Variants in ADK observed in about 807,000 individuals in gnomAD.
ADK encodes adenosine kinase.
ADK carries 24 observed loss-of-function variants against 44.7 expected under a neutral mutation model. The observed-to-expected ratio is 0.54, with a 90% CI of 0.39 to 0.76. ADK has a LOEUF of 0.76. ADK is among the 30% of genes least tolerant of loss of function. ADK has a pLI of 0.00. For missense variants in ADK, 321 were observed against 425.1 expected (o/e 0.76, Z 2.15); for synonymous variants, 128 against 142.6 (o/e 0.90, Z 0.73).
chr10:74,637,031 A>C (rs1159008860), intron 9 of ADK, among the ~76,000 whole-genome samples: 1 of 152,254 alleles, frequency 6.6e-6, no homozygotes, highest in Admixed American at 6.5e-5. Flanking sequence ...AACAAGATTT[A>C]GTGACTTTAT....
chr10:74,500,191 T>C (rs74580874), intron 6 of ADK, among the ~76,000 whole-genome samples: 142 of 152,290 alleles, frequency 9.3e-4, no homozygotes, highest in African/African-American at 3.2e-3. Context: ...ATCCAGATCA[T>C]ATTAGAACTG....
intron 9 of ADK, among the ~76,000 whole-genome samples, chr10:74,627,354 G>A (rs555490494): frequency 1.8e-4 from 27 of 152,060 alleles, no homozygotes; most frequent in African/African-American, 4.3e-4. Context: ...ACAGTGATGC[G>A]CACCTGTAGT....
intron 4 of ADK, chr10:74,372,481 A>T (rs1363197454): frequency 2.4e-5 from 4 of 168,952 alleles, no homozygotes; most frequent in East Asian, 2.1e-4. Flanking sequence ...ATGTCAGTTT[A>T]AAAAAAAAAA....
At chr10:74,614,285 C>T (rs1027067463) in intron 9 of ADK, among the ~76,000 whole-genome samples, 6 of 152,080 alleles carry the variant, frequency 3.9e-5, no homozygotes, top group African/African-American at 1.2e-4. Context: ...GATATAAGCC[C>T]TATTATAGCA....
chr10:74,229,216 A>G (rs543776833), intron 3 of ADK, among the ~76,000 whole-genome samples: 19 of 152,304 alleles, frequency 1.2e-4, no homozygotes, highest in African/African-American at 3.6e-4. Flanking sequence ...ATTATGCAAT[A>G]GGCATGAACC....
chr10:74,188,494 AC>A (rs1165736861), intron 1 of ADK, among the ~76,000 whole-genome samples: 1 of 149,952 alleles, frequency 6.7e-6, no homozygotes, highest in African/African-American at 2.5e-5. Flanking sequence ...GACTACCGGC[AC>A]CCGCCACCAC....
In ADK at chr10:74,259,145, A is replaced by G. The variant is rs146001944; in HGVS notation, c.194+34554A>G. On this transcript the variant is annotated intron_variant, in intron 3 of 10. Coordinates refer to ENST00000539909, the MANE Select transcript of ADK (RefSeq NM_006721.4). ...TTTTTAGTAGAGAAGAGGTTTCGCC[A>G]TGTTGGCCAGGCTGATTTCGAACTC... 5.5e-3 allele frequency among the ~76,000 whole-genome samples: 831 copies of G among 151,770 alleles called. 11 individuals carry two copies. The highest frequency in any genetic ancestry group is 0.019 in the African/African-American group (800 of 41,456).
chr10:74,294,441 C>T (rs1839739649), intron 3 of ADK, among the ~76,000 whole-genome samples: 1 of 152,158 alleles, frequency 6.6e-6, no homozygotes, highest in East Asian at 1.9e-4. Flanking sequence ...CACACGCCAC[C>T]ATGCCCAGAT....
intron 4 of ADK, chr10:74,371,966 C>G: frequency 1.1e-6 from 1 of 921,976 alleles, no homozygotes. Flanking sequence ...ACCTATCTAC[C>G]GTTGCTTTGT....
Position 74,224,569 on chromosome 10 carries a change from G to A in ADK, c.172G>A (p.Ala58Thr). The A allele has an allele frequency of 1.2e-6, 2 of 1,613,676 alleles. No individual in the cohort carries two copies. The highest frequency in any genetic ancestry group is 1.3e-5 in the African/African-American group (1 of 75,008). Residue 58 changes from alanine to threonine, a missense_variant, in exon 3 of 11, where the codon GCT becomes ACT. By Grantham distance (58) the Ala-to-Thr change is moderately conservative. Transcript: ENST00000539909. ...YSLKPNDQIL[A>T]EDKHKELFDE... ...TCTGAAACCAAATGACCAAATCTTGGCTGAAGACAAACACAAGGAACTGTA... is the reference window on the plus strand; with the variant it reads ...TCTGAAACCAAATGACCAAATCTTGACTGAAGACAAACACAAGGAACTGTA...
At chr10:74,536,447 A>C (rs1849451251) in intron 7 of ADK, among the ~76,000 whole-genome samples, 3 of 150,728 alleles carry the variant, frequency 2.0e-5, no homozygotes, top group South Asian at 4.2e-4. Flanking sequence ...ATAATTACTA[A>C]ATGATACAAT....
chr10:74,436,915 G>T (rs1047718842), intron 6 of ADK, among the ~76,000 whole-genome samples: 3 of 152,120 alleles, frequency 2.0e-5, no homozygotes, highest in Non-Finnish European at 4.4e-5. Flanking sequence ...AGGTTGGAAA[G>T]AAGTGAAACT....
At position 74,224,589 on chromosome 10, in the gene ADK, A is replaced by C. The variant is rs779676595; in HGVS notation, c.192A>C (p.Glu64Asp). 1 of 1,613,156 alleles carries C rather than the reference A, an allele frequency of 6.2e-7. No individual in the cohort carries two copies. Among genetic ancestry groups the C allele is most frequent in the Admixed American group, 1.7e-5 (1 of 60,002 alleles). ...DQILAEDKHK[E>D]LFDELVKKFK... ...TCTTGGCTGAAGACAAACACAAGGA[A>C]CTGTAAGTGCATTAAACCATTGGTT... Residue 64 changes from glutamate (E) to aspartate (D), a missense_variant and splice_region_variant, in exon 3 of 11, where the codon GAA (glutamate) becomes GAC (aspartate). By Grantham distance (45) the Glu-to-Asp change is conservative. Transcript: ENST00000539909.
intron 3 of ADK, among the ~76,000 whole-genome samples, chr10:74,279,692 C>T (rs962269201): frequency 2.6e-5 from 4 of 151,444 alleles, no homozygotes; most frequent in African/African-American, 4.9e-5. Context: ...GATGTTTCAT[C>T]TTACCTCGAA....
intron 7 of ADK, among the ~76,000 whole-genome samples, chr10:74,534,161 A>G (rs1390493577): frequency 1.3e-5 from 2 of 152,216 alleles, no homozygotes; most frequent in Non-Finnish European, 2.9e-5. Context: ...GGAAACTTTT[A>G]GGAGTAATAG....
In ADK at chr10:74,339,062, C is replaced by T. The variant is rs561001977; in HGVS notation, c.273+24317C>T. Among the ~76,000 whole-genome samples, 6 of 152,290 alleles carry T rather than the reference C, an allele frequency of 3.9e-5. No homozygotes were observed. In the South Asian group the frequency reaches 1.0e-3, roughly 26 times the overall value. On this transcript the variant is annotated intron_variant, in intron 4 of 10. Coordinates refer to ENST00000539909, the MANE Select transcript of ADK (RefSeq NM_006721.4). ...CAAACACCTGGGCTCAAGGGATTCT[C>T]CTGCTTCCAGCCTCCCAGGTAGCTA... is the stretch of plus-strand genomic sequence containing the variant.
At chr10:74,230,817 G>C (rs2132265199) in intron 3 of ADK, among the ~76,000 whole-genome samples, 1 of 152,098 alleles carries the variant, frequency 6.6e-6, no homozygotes. Flanking sequence ...GAGTAGCTGG[G>C]ACTACAGGTG....
At chr10:74,392,084 ACTT>A (rs1843356396) in intron 4 of ADK, among the ~76,000 whole-genome samples, 1 of 152,134 alleles carries the variant, frequency 6.6e-6, no homozygotes, top group Admixed American at 6.6e-5. Context: ...GGTTGCTTGT[ACTT>A]CTTGGCTATC....
At chr10:74,466,643 A>G (rs1846368431) in intron 6 of ADK, among the ~76,000 whole-genome samples, 1 of 152,216 alleles carries the variant, frequency 6.6e-6, no homozygotes, top group Non-Finnish European at 1.5e-5. Context: ...GATCTGCAGC[A>G]GCCTTTTGAG....
Sources: allele counts gnomAD v4.1 joint callset (sites outside exome capture counted in the v4.1 genomes callset), GRCh38; gene constraint gnomAD v4.1.1; transcripts MANE v1.5; gene names NCBI Gene and HGNC (gene_info 2026-07-23, HGNC 2026-07-21).